Variants in TMEM272 observed in about 807,000 individuals in gnomAD.
TMEM272 encodes long intergenic non-protein coding RNA 282.
TMEM272 carries 8 observed loss-of-function variants against 3.7 expected under a neutral mutation model. The ratio of observed to expected loss-of-function variants is 2.17; its 90% CI spans 1.27 to 3.91. The LOEUF is 3.91. Ranked by LOEUF, TMEM272 falls within the 30% of genes most tolerant of loss-of-function variation. The pLI, the probability that TMEM272 is intolerant of heterozygous loss-of-function variation, is 0.00. For missense variants in TMEM272, 166 were observed against 91.5 expected, an observed-to-expected ratio of 1.81 and a Z score of -3.32; for synonymous variants, 63 against 39.8, an observed-to-expected ratio of 1.58 and a Z score of -2.20.
the TMEM272 span, among the ~76,000 whole-genome samples, chr13:51,856,375 T>G: frequency 6.6e-6 from 1 of 152,206 alleles, no homozygotes; most frequent in Non-Finnish European, 1.5e-5. Flanking sequence ...ATACCTACAT[T>G]TTATCAGAAC....
At chr13:51,881,233 T>A in the TMEM272 span, among the ~76,000 whole-genome samples, 2 of 152,092 alleles carry the variant, frequency 1.3e-5, no homozygotes, top group Non-Finnish European at 2.9e-5. Flanking sequence ...GGAGGTAAAA[T>A]CTCTTCTCTG....
chr13:51,890,532 C>T, the TMEM272 span, among the ~76,000 whole-genome samples: 1 of 152,182 alleles, frequency 6.6e-6, no homozygotes, highest in Non-Finnish European at 1.5e-5. Context: ...GCTTCTTGTA[C>T]AGCCTGCAGA....
At chr13:51,907,169 T>G in the TMEM272 span, among the ~76,000 whole-genome samples, 1 of 152,356 alleles carries the variant, frequency 6.6e-6, no homozygotes, top group South Asian at 2.1e-4. Flanking sequence ...TTGTGGCTTC[T>G]GCTGTCTTGA....
the TMEM272 span, among the ~76,000 whole-genome samples, chr13:51,872,095 G>A: frequency 1.3e-5 from 2 of 152,176 alleles, no homozygotes; most frequent in Non-Finnish European, 2.9e-5. Flanking sequence ...CTTTTGGAAA[G>A]CCTCTAATAT....
the TMEM272 span, among the ~76,000 whole-genome samples, chr13:51,889,063 T>C: frequency 2.6e-5 from 4 of 152,200 alleles, no homozygotes; most frequent in African/African-American, 9.7e-5. Context: ...GTGTAACTGT[T>C]TGCCACAATA....
chr13:51,859,507 C>CACACACACG, the TMEM272 span, among the ~76,000 whole-genome samples: 1 of 108,784 alleles, frequency 9.2e-6, no homozygotes. Context: ...CCCAACCAAA[C>CACACACACG]ACACACACAC....
chr13:51,865,872 T>C, the TMEM272 span: 5 of 1,613,146 alleles, frequency 3.1e-6, no homozygotes, highest in Admixed American at 1.7e-5. Flanking sequence ...GCCCTGTGGG[T>C]AGAGGAAAGA....
chr13:51,857,166 A>T, the TMEM272 span, among the ~76,000 whole-genome samples: 6 of 152,122 alleles, frequency 3.9e-5, no homozygotes, highest in Non-Finnish European at 7.4e-5. Context: ...GAACAGGAAA[A>T]TGAAAGTGGC....
chr13:51,909,910 C>A, the TMEM272 span: 1 of 1,600,724 alleles, frequency 6.2e-7, no homozygotes, highest in African/African-American at 1.3e-5. Flanking sequence ...TTATTAAGTT[C>A]ACTCACTTGT....
the TMEM272 span, among the ~76,000 whole-genome samples, chr13:51,884,455 A>G: frequency 6.6e-6 from 1 of 152,246 alleles, no homozygotes; most frequent in African/African-American, 2.4e-5. Flanking sequence ...ACATGAACAA[A>G]TATGTGAAAT....
At chr13:51,920,225 A>G in the TMEM272 span, among the ~76,000 whole-genome samples, 2 of 151,968 alleles carry the variant, frequency 1.3e-5, no homozygotes, top group African/African-American at 4.8e-5. Context: ...CGGGTCTGAT[A>G]ACAGCTAGTT....
chr13:51,892,406 G>A, the TMEM272 span, among the ~76,000 whole-genome samples: 1 of 152,134 alleles, frequency 6.6e-6, no homozygotes, highest in Non-Finnish European at 1.5e-5. Context: ...AAAAATAGGG[G>A]GCACAGGTAG....
the TMEM272 span, among the ~76,000 whole-genome samples, chr13:51,899,217 G>A: frequency 1.1e-4 from 17 of 152,214 alleles, no homozygotes; most frequent in South Asian, 4.1e-4. Context: ...ATATACTAGC[G>A]ATGAATAATC....
chr13:51,866,986 G>A, the TMEM272 span, among the ~76,000 whole-genome samples: 1 of 152,194 alleles, frequency 6.6e-6, no homozygotes, highest in Admixed American at 6.5e-5. Context: ...CAACTTATGT[G>A]CCCAACTTTT....
At chr13:51,883,015 G>A in the TMEM272 span, among the ~76,000 whole-genome samples, 44 of 152,312 alleles carry the variant, frequency 2.9e-4, no homozygotes, top group East Asian at 2.3e-3. Context: ...GGTGTGCCAC[G>A]AGTGGCTTCC....
chr13:51,841,037 A>G (rs1956258477), intron 1 of TMEM272, among the ~76,000 whole-genome samples: 1 of 152,222 alleles, frequency 6.6e-6, no homozygotes, highest in Non-Finnish European at 1.5e-5. Flanking sequence ...TGATGTCCAC[A>G]CTTCATGAGG....
the TMEM272 span, among the ~76,000 whole-genome samples, chr13:51,864,321 C>T: frequency 6.6e-6 from 1 of 152,164 alleles, no homozygotes; most frequent in Non-Finnish European, 1.5e-5. Flanking sequence ...CCTAATCACA[C>T]CCCTTAGTCT....
chr13:51,885,103 T>C, the TMEM272 span, among the ~76,000 whole-genome samples: 947 of 152,300 alleles, frequency 6.2e-3, 13 homozygotes, highest in African/African-American at 0.021. Flanking sequence ...ACCTGACCCA[T>C]TTCTGTCCAA....
chr13:51,867,050 C>T, the TMEM272 span, among the ~76,000 whole-genome samples: 2 of 152,110 alleles, frequency 1.3e-5, no homozygotes, highest in Non-Finnish European at 2.9e-5. Context: ...ACACAAATGA[C>T]CAGAGTGAGG....
Sources: gnomAD v4.1 joint callset for allele counts (sites outside exome capture counted in the v4.1 genomes callset) on GRCh38, gnomAD v4.1.1 for gene constraint, MANE v1.5 for transcripts, NCBI Gene and HGNC (gene_info 2026-07-23, HGNC 2026-07-21) for gene names.